HIF1A: variants seen among roughly 807,000 people sequenced by gnomAD.
HIF1A encodes hypoxia inducible factor 1 subunit alpha, also known as hypoxia-inducible factor 1-alpha.
A neutral mutation model predicts 92.7 loss-of-function variants in HIF1A; 24 were observed. The ratio of observed to expected loss-of-function variants is 0.26; its 90% CI spans 0.19 to 0.36. The LOEUF is 0.36. HIF1A is among the 10% of genes least tolerant of loss of function. The probability of loss-of-function intolerance (pLI) is 1.00; values close to 1 mark genes in which losing one functional copy is unlikely to be tolerated. For synonymous variants in HIF1A, 319 were observed against 338.7 expected (o/e 0.94, Z 0.64); for missense variants, 799 against 998.5 (o/e 0.80, Z 2.69).
At chr14:61,727,127 A>T (rs2044515359) in intron 5 of HIF1A, among the ~76,000 whole-genome samples, 1 of 152,224 alleles carries the variant, frequency 6.6e-6, no homozygotes, top group Admixed American at 6.5e-5. Context: ...TCATGGTTTT[A>T]TATCTTTGTT....
intron 12 of HIF1A, among the ~76,000 whole-genome samples, chr14:61,742,383 T>C (rs935861384): frequency 1.2e-4 from 19 of 152,168 alleles, no homozygotes; most frequent in African/African-American, 4.3e-4. Context: ...ATTCCCACCT[T>C]GACCTAGAGT....
At chr14:61,733,780 A>C (rs937723180) in intron 7 of HIF1A, among the ~76,000 whole-genome samples, 2 of 152,268 alleles carry the variant, frequency 1.3e-5, no homozygotes, top group African/African-American at 4.8e-5. Flanking sequence ...AACCATAGTC[A>C]GAATTTAAGG....
intron 1 of HIF1A, chr14:61,716,857 C>A (rs1281590224): frequency 6.6e-6 from 1 of 152,046 alleles, no homozygotes; most frequent in Non-Finnish European, 1.5e-5. Flanking sequence ...AACTACAATA[C>A]CACAAAGATT....
At chr14:61,733,537 G>A (rs372070706) in intron 7 of HIF1A, among the ~76,000 whole-genome samples, 19 of 152,118 alleles carry the variant, frequency 1.2e-4, no homozygotes, top group Admixed American at 1.0e-3. Flanking sequence ...CTGTGCTTGA[G>A]GATACCTGAA....
chr14:61,721,600 T>C lies in HIF1A; in HGVS notation c.318T>C (p.Asp106=). 2 of 1,613,224 alleles carry C rather than the reference T, an allele frequency of 1.2e-6. No homozygotes were observed. Among genetic ancestry groups the C allele is most frequent in the South Asian group, 1.1e-5 (1 of 91,062 alleles). The part of the protein sequence containing the change: ...LDGFVMVLTD[D]GDMIYISDNV... ...GTTTTGTTATGGTTCTCACAGATGA[T>C]GGTGACATGATTTACATTTCTGATA... Residue 106 remains aspartate, a synonymous_variant, in exon 3 of 15, where the codon GAT becomes GAC. Coordinates refer to ENST00000337138, the MANE Select transcript of HIF1A (RefSeq NM_001530.4).
At chr14:61,716,936 GT>G (rs1315561004) in intron 1 of HIF1A, 2 of 152,164 alleles carry the variant, frequency 1.3e-5, no homozygotes, top group African/African-American at 4.8e-5. Context: ...TAAACAAACT[GT>G]TTTAACTGTA....
chr14:61,743,632 C>A (rs1197067429), intron 12 of HIF1A, among the ~76,000 whole-genome samples: 2 of 152,108 alleles, frequency 1.3e-5, no homozygotes, highest in Non-Finnish European at 2.9e-5. Flanking sequence ...AGATCACTTA[C>A]CTATTTGGCA....
At chr14:61,723,068 G>A (rs1266050975) in intron 4 of HIF1A, among the ~76,000 whole-genome samples, 1 of 152,164 alleles carries the variant, frequency 6.6e-6, no homozygotes, top group Non-Finnish European at 1.5e-5. Context: ...GTTACCACAA[G>A]GAAAATTTCT....
chr14:61,732,475 A>G lies in HIF1A; in HGVS notation c.831A>G (p.Glu277=). The G allele has an allele frequency of 6.2e-7, 1 of 1,611,916 alleles. No individual in the cohort carries two copies. The highest frequency in any genetic ancestry group is 8.5e-7 in the Non-Finnish European group (1 of 1,178,266). Residue 277 remains glutamate, a synonymous_variant, in exon 7 of 15, where the codon GAA becomes GAG. Transcript: ENST00000337138. ...AACTTTTAGGCCGCTCAATTTATGA[A>G]TATTATCATGCTTTGGACTCTGATC... is the stretch of plus-strand genomic sequence containing the variant. ...PEELLGRSIY[E]YYHALDSDHL...
At chr14:61,743,494 T>C (rs2044739508) in intron 12 of HIF1A, among the ~76,000 whole-genome samples, 1 of 152,246 alleles carries the variant, frequency 6.6e-6, no homozygotes, top group Admixed American at 6.5e-5. Flanking sequence ...ACTACAATGA[T>C]ATTTACATAA....
chr14:61,746,330 T>C (rs1222406327), intron 14 of HIF1A, among the ~76,000 whole-genome samples: 3 of 151,762 alleles, frequency 2.0e-5, no homozygotes, highest in Non-Finnish European at 4.4e-5. Flanking sequence ...TTTCTTTGAT[T>C]TCTCTATGTC....
Position 61,725,336 on chromosome 14 carries a change from G to C in HIF1A, c.458-1370G>C, listed in dbSNP as rs186407154. Among the ~76,000 whole-genome samples, 53 of 152,170 alleles carry C rather than the reference G, an allele frequency of 3.5e-4. No homozygotes were observed. In the East Asian group the frequency reaches 6.0e-3, roughly 17 times the overall value. ...GCCTACAATATCTAGTCCAGGTTCT[G>C]AATAATAAATATTTTTATATGTGTT... On this transcript the variant is annotated intron_variant, in intron 4 of 14. Transcript: ENST00000337138.
chr14:61,717,000 A>T (rs537799116), intron 1 of HIF1A: 1 of 152,352 alleles, frequency 6.6e-6, no homozygotes, highest in South Asian at 2.1e-4. Context: ...TCAGCAGAAG[A>T]ACTTCACTTG....
At chr14:61,746,537 C>T (rs1292937215) in intron 14 of HIF1A, among the ~76,000 whole-genome samples, 1 of 151,616 alleles carries the variant, frequency 6.6e-6, no homozygotes, top group East Asian at 2.0e-4. Context: ...CTGAGTAGCT[C>T]GCACTACAGA....
Position 61,747,235 on chromosome 14 carries a change from T to G in HIF1A, c.*150T>G. The G allele has an allele frequency of 1.8e-6, 1 of 544,650 alleles. No individual in the cohort carries two copies. Among genetic ancestry groups the G allele is most frequent in the South Asian group, 3.2e-5 (1 of 31,036 alleles). The allele number at this position is 544,650 out of a possible 1,614,324, so 33.7% of individuals were successfully genotyped here. A position where few individuals can be genotyped will look rare whatever the true frequency, so the allele number is the denominator to read the frequency against. ...AATTTTGATCCCCTTTCTACTTAAT[T>G]TACATTAATGCTCTTTTTTAGTATG... On this transcript the variant is annotated 3_prime_UTR_variant, in exon 15 of 15. Transcript: ENST00000337138.
At chr14:61,714,620 A>G (rs1304599077) in intron 1 of HIF1A, among the ~76,000 whole-genome samples, 1 of 151,704 alleles carries the variant, frequency 6.6e-6, no homozygotes, top group Non-Finnish European at 1.5e-5. Flanking sequence ...CTGCATCATT[A>G]TAGTATGTGT....
At chr14:61,696,640 TA>T (rs1376933812) in intron 1 of HIF1A, among the ~76,000 whole-genome samples, 1 of 152,174 alleles carries the variant, frequency 6.6e-6, no homozygotes, top group Non-Finnish European at 1.5e-5. Context: ...GCAGATATTA[TA>T]AATGAATATA....
intron 1 of HIF1A, among the ~76,000 whole-genome samples, chr14:61,705,015 TCTG>T (rs1351093810): frequency 1.3e-5 from 2 of 152,130 alleles, no homozygotes; most frequent in African/African-American, 4.8e-5. Flanking sequence ...CATTGGCCAG[TCTG>T]CTTTTAGAAT....
intron 9 of HIF1A, among the ~76,000 whole-genome samples, chr14:61,737,637 A>G (rs1252976772): frequency 6.6e-6 from 1 of 152,246 alleles, no homozygotes; most frequent in African/African-American, 2.4e-5. Context: ...ATACTATTGT[A>G]TGTAAACTTT....
Sources: allele counts gnomAD v4.1 joint callset (sites outside exome capture counted in the v4.1 genomes callset), GRCh38; gene constraint gnomAD v4.1.1; transcripts MANE v1.5; gene names NCBI Gene and HGNC (gene_info 2026-07-23, HGNC 2026-07-21).